The following WWP2 variants were observed in gnomAD, a reference collection of about 807,000 sequenced individuals.
WWP2 encodes NEDD4-like E3 ubiquitin-protein ligase WWP2.
A neutral mutation model predicts 121.0 loss-of-function variants in WWP2; 57 were observed. The observed-to-expected ratio is 0.47, with a 90% CI of 0.38 to 0.59. The LOEUF is 0.59. Among genes scored for constraint, WWP2 ranks in the 20% least tolerant of loss-of-function variants. The pLI is 0.00. For synonymous variants in WWP2, 449 were observed against 441.3 expected (o/e 1.02, Z -0.22); for missense variants, 962 against 1,158.9 (o/e 0.83, Z 2.47).
intron 6 of WWP2, among the ~76,000 whole-genome samples, chr16:69,858,483 G>C (rs927843214): frequency 1.3e-5 from 2 of 152,072 alleles, no homozygotes; most frequent in Non-Finnish European, 2.9e-5. Context: ...CCTGAGATGC[G>C]ATAATTTGAG....
intron 10 of WWP2, among the ~76,000 whole-genome samples, chr16:69,923,220 C>T (rs949334704): frequency 2.8e-5 from 4 of 142,896 alleles, no homozygotes; most frequent in Non-Finnish European, 4.5e-5. Flanking sequence ...TTTGCACCAA[C>T]CTAATAAATG....
chr16:69,921,398 G>A (rs2058559755), intron 10 of WWP2, among the ~76,000 whole-genome samples: 1 of 152,206 alleles, frequency 6.6e-6, no homozygotes, highest in Admixed American at 6.5e-5. Context: ...CTTCAACTGA[G>A]ACCTTGTTCT....
In WWP2 at chr16:69,799,073, G is replaced by GT; in HGVS notation, c.219-99dup. The GT allele has an allele frequency of 6.6e-7, 1 of 1,521,946 alleles. No homozygotes were observed. Among genetic ancestry groups the GT allele is most frequent in the Non-Finnish European group, 8.8e-7 (1 of 1,132,952 alleles). 94.3% of individuals were successfully genotyped at this position (1,521,946 alleles called of 1,614,324 possible). On this transcript the variant is annotated intron_variant, in intron 3 of 23. Transcript: ENST00000359154. The surrounding 1 kb of genome is among the most constrained non-coding windows in gnomAD (Gnocchi z 4.5). Reference sequence around the variant, plus strand: ...TATATGTGGGTGTCTGCCTGTTTTGGTTCCCCCTCCCCAAGATGTCAGCAG... The same window carrying GT: ...TATATGTGGGTGTCTGCCTGTTTTGGTTTCCCCCTCCCCAAGATGTCAGCAG...
At position 69,786,728 on chromosome 16, in the gene WWP2, G is replaced by A. The variant is rs2055800860; in HGVS notation, c.-15-268G>A. Among the ~76,000 whole-genome samples, 5 of 152,092 alleles carry A rather than the reference G, an allele frequency of 3.3e-5. No individual in the cohort carries two copies. In the South Asian group the frequency reaches 1.0e-3, roughly 32 times the overall value. The stretch of plus-strand genomic sequence containing the variant: ...GGCCTCCCAAAGTGCTGGAATTACA[G>A]ACGTGAGCGACCATGCCTGGCAGAG... On this transcript the variant is annotated intron_variant, in intron 1 of 23. Transcript: ENST00000359154.
chr16:69,782,278 A>G (rs8045428), intron 1 of WWP2, among the ~76,000 whole-genome samples: 6,789 of 152,184 alleles, frequency 0.045, 531 homozygotes, highest in African/African-American at 0.15. Context: ...GCGAGACTCC[A>G]TCTCAAACAA....
At position 69,891,735 on chromosome 16, in the gene WWP2, C is replaced by A. The variant is rs139343045; in HGVS notation, c.914+3486C>A. On this transcript the variant is annotated intron_variant, in intron 8 of 23. Transcript: ENST00000359154. The stretch of plus-strand genomic sequence containing the variant: ...ATCTGCCTCTTGAGCCCAGTTCTCT[C>A]CTGACTCACTACCTGGACAGTTCCA... 1.0e-3 allele frequency among the ~76,000 whole-genome samples: 155 copies of A among 152,312 alleles called. 3 individuals carry two copies. In the South Asian group the frequency reaches 0.019, roughly 18 times the overall value.
At chr16:69,828,383 TG>T (rs1476816990) in intron 4 of WWP2, among the ~76,000 whole-genome samples, 1 of 152,176 alleles carries the variant, frequency 6.6e-6, no homozygotes, top group Non-Finnish European at 1.5e-5. Flanking sequence ...TAATTTTCTT[TG>T]AGACATAGTT....
intron 19 of WWP2, 140 bp from the exon 20 acceptor site, chr16:69,936,978 T>C: frequency 8.2e-7 from 1 of 1,212,598 alleles, no homozygotes; most frequent in Non-Finnish European, 1.1e-6. Flanking sequence ...CTCTAGGTCC[T>C]CCAGCAGGCT....
chr16:69,798,107 A>G (rs2056085427), intron 2 of WWP2, among the ~76,000 whole-genome samples: 1 of 152,202 alleles, frequency 6.6e-6, no homozygotes, highest in Non-Finnish European at 1.5e-5. Context: ...GATGTCTGGT[A>G]AAATGAATAT....
At chr16:69,774,876 A>G (rs2055490235) in intron 1 of WWP2, 1 of 151,870 alleles carries the variant, frequency 6.6e-6, no homozygotes. Context: ...AGGCTGAGGC[A>G]TGAGAATCAC....
rs921080742 is a variant in WWP2 at position 69,936,220 on chromosome 16, TG to T, written c.1977-89del. The T allele has an allele frequency of 1.9e-5, 30 of 1,570,512 alleles. No homozygotes were observed. In the African/African-American group the frequency reaches 4.1e-4, roughly 21 times the overall value. ...ACTGTTCAGGATTCTAGGCCACCTGTGGGCCCTTGGTGTCCCACGGGCAACA... is the reference window on the plus strand; with the variant it reads ...ACTGTTCAGGATTCTAGGCCACCTGTGGCCCTTGGTGTCCCACGGGCAACA... On this transcript the variant is annotated intron_variant, in intron 18 of 23. Coordinates refer to ENST00000359154, the MANE Select transcript of WWP2 (RefSeq NM_001270454.2).
intron 1 of WWP2, among the ~76,000 whole-genome samples, chr16:69,768,444 AC>A (rs1384023648): frequency 6.6e-6 from 1 of 152,068 alleles, no homozygotes; most frequent in African/African-American, 2.4e-5. Flanking sequence ...CCCCGTCTCT[AC>A]TAAAAATACA....
chr16:69,764,454 A>C (rs960893462), intron 1 of WWP2, among the ~76,000 whole-genome samples: 1 of 152,218 alleles, frequency 6.6e-6, no homozygotes, highest in African/African-American at 2.4e-5. Flanking sequence ...CGGCCTCTCA[A>C]AGTGTTGCAA....
intron 8 of WWP2, among the ~76,000 whole-genome samples, chr16:69,903,636 C>T (rs1051081698): frequency 3.9e-5 from 6 of 151,964 alleles, no homozygotes; most frequent in Middle Eastern, 3.4e-3. Flanking sequence ...GGTGTGGTGG[C>T]GCATACCTGT....
At chr16:69,904,624 G>A (rs898832758) in intron 8 of WWP2, among the ~76,000 whole-genome samples, 3 of 152,136 alleles carry the variant, frequency 2.0e-5, no homozygotes, top group African/African-American at 7.2e-5. Context: ...TCCTGCCTTA[G>A]CCTCCCAAAG....
At chr16:69,828,637 T>TTAC (rs2056744776) in intron 4 of WWP2, among the ~76,000 whole-genome samples, 1 of 152,124 alleles carries the variant, frequency 6.6e-6, no homozygotes, top group Non-Finnish European at 1.5e-5. Context: ...AGTGCTGGGA[T>TTAC]TACAGATGTG....
At position 69,799,481 on chromosome 16, in the gene WWP2, C is replaced by T. The variant is rs2056116822; in HGVS notation, c.340+186C>T. ...TCTGCCTCCACTACAGAGTTTAGCCCTCTTTGTCCAGGGCCTCTAGTAATG... is the reference window on the plus strand; with the variant it reads ...TCTGCCTCCACTACAGAGTTTAGCCTTCTTTGTCCAGGGCCTCTAGTAATG... On this transcript the variant is annotated intron_variant, in intron 4 of 23. Coordinates refer to ENST00000359154, the MANE Select transcript of WWP2 (RefSeq NM_001270454.2). The surrounding 1 kb of genome is among the most constrained non-coding windows in gnomAD (Gnocchi z 4.5). 8.1e-6 allele frequency: 6 copies of T among 744,560 alleles called. No individual in the cohort carries two copies. The highest frequency in any genetic ancestry group is 6.6e-5 in the South Asian group (3 of 45,758). The allele number at this position is 744,560 out of a possible 1,614,324, so 46.1% of individuals were successfully genotyped here. A position where few individuals can be genotyped will look rare whatever the true frequency, so the allele number is the denominator to read the frequency against.
At chr16:69,904,648 G>T (rs1294859632) in intron 8 of WWP2, among the ~76,000 whole-genome samples, 1 of 152,160 alleles carries the variant, frequency 6.6e-6, no homozygotes, top group Non-Finnish European at 1.5e-5. Flanking sequence ...TGGTACTGTA[G>T]GCATGAGCCA....
chr16:69,873,058 G>C (rs991237426), intron 7 of WWP2, among the ~76,000 whole-genome samples: 2 of 152,216 alleles, frequency 1.3e-5, no homozygotes, highest in African/African-American at 4.8e-5. Context: ...GTAGAGGAAT[G>C]CAGGTGTTGA....
Sources: allele counts gnomAD v4.1 joint callset (sites outside exome capture counted in the v4.1 genomes callset), GRCh38; gene constraint gnomAD v4.1.1; non-coding constraint Gnocchi (gnomAD v3.1); transcripts MANE v1.5; gene names NCBI Gene and HGNC (gene_info 2026-07-23, HGNC 2026-07-21).